Variants in PPP1R3F observed in about 807,000 individuals in gnomAD.
The protein encoded by PPP1R3F is protein phosphatase 1 regulatory subunit 3F.
In PPP1R3F, 29 loss-of-function variants were observed where a neutral mutation model predicts 24.2. That is an observed-to-expected ratio of 1.20 (90% confidence interval 0.89 to 1.63). The LOEUF is 1.63. Among genes scored for constraint, PPP1R3F ranks in the 40% most tolerant of loss-of-function variants. PPP1R3F has a pLI of 0.00. For synonymous variants in PPP1R3F, 363 were observed against 340.1 expected, an observed-to-expected ratio of 1.07 and a Z score of -0.74; for missense variants, 823 against 729.3, an observed-to-expected ratio of 1.13 and a Z score of -1.48.
chrX:49,287,178 T>G lies in PPP1R3F; in HGVS notation c.*88T>G, dbSNP rs181513756. On this transcript the variant is annotated 3_prime_UTR_variant, in exon 4 of 4. Coordinates refer to ENST00000055335, the MANE Select transcript of PPP1R3F (RefSeq NM_033215.5). ...CTGGGTCCTTTGCTTCTGAGAATGC[T>G]CAACTGAAAGAGAGGCCTTCTCATC... 394 of 971,543 alleles carry G rather than the reference T, an allele frequency of 4.1e-4. 4 individuals are homozygous for G. The African/African-American group carries it at 6.6e-3, about 16-fold the overall frequency. 80.1% of individuals were successfully genotyped at this position (971,543 alleles called of 1,213,427 possible).
chrX:49,285,442 C>T (rs1181937435), intron 3 of PPP1R3F, among the ~76,000 whole-genome samples: 3 of 111,332 alleles, frequency 2.7e-5, no homozygotes, highest in African/African-American at 9.8e-5. Flanking sequence ...GTGATCCGCC[C>T]GCCTTGGCTT....
Position 49,286,632 on chromosome X carries a change from A to G in PPP1R3F, c.1942A>G (p.Lys648Glu), listed in dbSNP as rs1404972934. ...FIGDPEKGMGKDTSSLHMNRV... is the reference protein window; with the variant it reads ...FIGDPEKGMGEDTSSLHMNRV... ...TGGGGATCCTGAGAAAGGGATGGGCAAGGACACCAGCTCTTTGCACATGAA... is the reference window on the plus strand; with the variant it reads ...TGGGGATCCTGAGAAAGGGATGGGCGAGGACACCAGCTCTTTGCACATGAA... Residue 648 changes from lysine to glutamate, a missense_variant, in exon 4 of 4, where the codon AAG becomes GAG. Lys to Glu is a moderately conservative substitution (Grantham distance 56). Coordinates refer to ENST00000055335, the MANE Select transcript of PPP1R3F (RefSeq NM_033215.5). 3 of 1,209,396 alleles carry G rather than the reference A, an allele frequency of 2.5e-6. No individual in the cohort carries two copies. The highest frequency in any genetic ancestry group is 3.4e-6 in the Non-Finnish European group (3 of 894,659).
chrX:49,286,932 C>T lies in PPP1R3F; in HGVS notation c.2242C>T (p.Pro748Ser), dbSNP rs782192911. Residue 748 changes from proline to serine, a missense_variant, in exon 4 of 4, where the codon CCT (proline) becomes TCT (serine). Transcript: ENST00000055335. ...AAAGAAGTCTCCCACCCTAGCAGTC[C>T]CTGCAGAATGTGTGTGTGCACTGCC... ...PPKKSPTLAVPAECVCALPPQ... is the reference protein window; with the variant it reads ...PPKKSPTLAVSAECVCALPPQ... 1.4e-4 allele frequency: 163 copies of T among 1,205,104 alleles called. No homozygotes were observed. Among genetic ancestry groups the T allele is most frequent in the Non-Finnish European group, 1.8e-4 (158 of 892,723 alleles).
intron 3 of PPP1R3F, among the ~76,000 whole-genome samples, chrX:49,297,144 G>T (rs782311376): frequency 1.8e-5 from 2 of 109,957 alleles, no homozygotes; most frequent in South Asian, 7.6e-4. Context: ...TATTGTGTGG[G>T]AGTCTAAGTC....
intron 1 of PPP1R3F, chrX:49,275,203 A>G (rs782168384): frequency 3.6e-5 from 4 of 111,399 alleles, no homozygotes; most frequent in Non-Finnish European, 5.6e-5. Context: ...GGCATCTGCC[A>G]GATTCTGCAG....
chrX:49,278,950 C>A (rs782608051), intron 1 of PPP1R3F, among the ~76,000 whole-genome samples: 5 of 112,533 alleles, frequency 4.4e-5, no homozygotes, highest in Non-Finnish European at 7.5e-5. Context: ...GGGTAAGAGC[C>A]AAAAGGCCTG....
downstream of PPP1R3F, among the ~76,000 whole-genome samples, chrX:49,291,824 G>C (rs1237991105): frequency 9.1e-6 from 1 of 110,346 alleles, no homozygotes; most frequent in Non-Finnish European, 1.9e-5. Flanking sequence ...TTCTCTCTCT[G>C]TCCTCAGCCT....
intron 3 of PPP1R3F, among the ~76,000 whole-genome samples, chrX:49,297,461 G>A (rs1178932074): frequency 1.8e-5 from 2 of 110,455 alleles, no homozygotes; most frequent in African/African-American, 3.3e-5. Context: ...TGATCCGCCC[G>A]CCTCGGCCTC....
At position 49,286,380 on chromosome X, in the gene PPP1R3F, G is replaced by A. The variant is rs782440367; in HGVS notation, c.1690G>A (p.Val564Met). The A allele has an allele frequency of 2.5e-6, 3 of 1,192,983 alleles. No homozygotes were observed. Among genetic ancestry groups the A allele is most frequent in the African/African-American group, 1.7e-5 (1 of 57,646 alleles). ...GCACTATGCCCGGCTGGGGCGTGGC[G>A]TGGAGCTCATCAAGGACACCGAAGA... ...TLHYARLGRG[V>M]ELIKDTEDPD... Residue 564 changes from valine to methionine, a missense_variant, in exon 4 of 4, where the codon GTG (valine) becomes ATG (methionine). Val to Met is a conservative substitution (Grantham distance 21, BLOSUM62 1). Coordinates refer to ENST00000055335, the MANE Select transcript of PPP1R3F (RefSeq NM_033215.5).
At chrX:49,300,600 C>A (rs1325470888) in intron 3 of PPP1R3F, among the ~76,000 whole-genome samples, 1 of 107,026 alleles carries the variant, frequency 9.3e-6, no homozygotes, top group Non-Finnish European at 1.9e-5. Flanking sequence ...AGCGATCATC[C>A]CATCTCAGCC....
Position 49,285,915 on chromosome X carries a change from G to A in PPP1R3F, c.1225G>A (p.Val409Ile), listed in dbSNP as rs1465932580. ...CAGTCCACCTGTGGCTTTTACAGAGGTCCTCCAGGCACCGGCCATCAGGAT... is the reference window on the plus strand; with the variant it reads ...CAGTCCACCTGTGGCTTTTACAGAGATCCTCCAGGCACCGGCCATCAGGAT... ...RSSPPVAFTE[V>I]LQAPAIRIPP... Residue 409 changes from valine to isoleucine, a missense_variant, in exon 4 of 4, where the codon GTC (valine) becomes ATC (isoleucine). Transcript: ENST00000055335. 2 of 1,206,364 alleles carry A rather than the reference G, an allele frequency of 1.7e-6. No homozygotes were observed. Among genetic ancestry groups the A allele is most frequent in the African/African-American group, 3.5e-5 (2 of 57,088 alleles).
chrX:49,271,047 G>A (rs2066176586), intron 1 of PPP1R3F, among the ~76,000 whole-genome samples, 174 bp downstream of exon 1: 1 of 112,420 alleles, frequency 8.9e-6, no homozygotes, highest in African/African-American at 3.2e-5. Context: ...TGTTTTAACT[G>A]GGGTTTTATT....
At chrX:49,293,336 T>C (rs2066314214) in intron 3 of PPP1R3F, among the ~76,000 whole-genome samples, 1 of 112,623 alleles carries the variant, frequency 8.9e-6, no homozygotes, top group Non-Finnish European at 1.9e-5. Context: ...ATTGGATGTT[T>C]AGGTAGTGTT....
chrX:49,272,724 G>A (rs58955202), intron 1 of PPP1R3F, among the ~76,000 whole-genome samples: 8,109 of 112,127 alleles, frequency 0.072, 722 homozygotes, highest in African/African-American at 0.25. Flanking sequence ...TAACTGGCCA[G>A]CATTTACTGA....
At chrX:49,282,101 A>G in intron 3 of PPP1R3F, 38 bp downstream of exon 3, 3 of 1,041,006 alleles carry the variant, frequency 2.9e-6, no homozygotes, top group Non-Finnish European at 4.0e-6. Context: ...AGACAGCCCA[A>G]TAGGAGGCTC....
Position 49,270,169 on chromosome X carries a change from G to C in PPP1R3F, c.300G>C (p.Glu100Asp). 1 of 1,094,864 alleles carries C rather than the reference G, an allele frequency of 9.1e-7. No homozygotes were observed. The highest frequency in any genetic ancestry group is 2.3e-5 in the South Asian group (1 of 43,566). 90.2% of individuals were successfully genotyped at this position (1,094,864 alleles called of 1,213,427 possible). A position where few individuals can be genotyped will look rare whatever the true frequency, so the allele number is the denominator to read the frequency against. Residue 100 changes from glutamate (E) to aspartate (D), a missense_variant, in exon 1 of 4, where the codon GAG becomes GAC. Glu to Asp is a conservative substitution (Grantham distance 45). Coordinates refer to ENST00000055335, the MANE Select transcript of PPP1R3F (RefSeq NM_033215.5). ...EGEEEEEACP[E>D]PSPLCPVPAG... ...AGGAGGAAGAGGAGGCTTGCCCCGA[G>C]CCCTCACCGCTGTGCCCCGTCCCCG... is the stretch of plus-strand genomic sequence containing the variant.
At chrX:49,275,448 A>C (rs1481890727) in intron 1 of PPP1R3F, 1 of 111,415 alleles carries the variant, frequency 9.0e-6, no homozygotes, top group Non-Finnish European at 1.9e-5. Context: ...CCTCTCCCAC[A>C]GTGTTCCCAA....
At chrX:49,272,990 A>G (rs1318513364) in intron 1 of PPP1R3F, 9 of 100,621 alleles carry the variant, frequency 8.9e-5, no homozygotes, top group Admixed American at 2.1e-4. Context: ...CAAATTCTGG[A>G]TTTCACTCTT....
Position 49,286,628 on chromosome X carries a change from G to C in PPP1R3F, c.1938G>C (p.Met646Ile). The change falls in exon 4 of 4, where the codon ATG (methionine) becomes ATC (isoleucine). Residue 646 changes from methionine to isoleucine, a missense_variant. Met to Ile is a conservative substitution (Grantham distance 10, BLOSUM62 1). Coordinates refer to ENST00000055335, the MANE Select transcript of PPP1R3F (RefSeq NM_033215.5). ...GQFIGDPEKGMGKDTSSLHMN... is the reference protein window; with the variant it reads ...GQFIGDPEKGIGKDTSSLHMN... Reference sequence around the variant, plus strand: ...TCATTGGGGATCCTGAGAAAGGGATGGGCAAGGACACCAGCTCTTTGCACA... The same window carrying C: ...TCATTGGGGATCCTGAGAAAGGGATCGGCAAGGACACCAGCTCTTTGCACA... 8.3e-7 allele frequency: 1 copy of C among 1,211,079 alleles called. No individual in the cohort carries two copies. Among genetic ancestry groups the C allele is most frequent in the Non-Finnish European group, 1.1e-6 (1 of 895,000 alleles).
Sources: allele counts gnomAD v4.1 joint callset (sites outside exome capture counted in the v4.1 genomes callset), GRCh38; gene constraint gnomAD v4.1.1; transcripts MANE v1.5; gene names NCBI Gene and HGNC (gene_info 2026-07-23, HGNC 2026-07-21).